The following SOCS2 variants were observed in gnomAD, a reference collection of about 807,000 sequenced individuals.
The protein encoded by SOCS2 is suppressor of cytokine signaling 2, also known as CIS-2.
In SOCS2, 10 loss-of-function variants were observed where a neutral mutation model predicts 18.6. The ratio of observed to expected loss-of-function variants is 0.54; its 90% CI spans 0.33 to 0.91. The LOEUF (loss-of-function observed/expected upper bound fraction) is 0.91. SOCS2 is among the 40% of genes least tolerant of loss of function. SOCS2 has a pLI of 0.02. For synonymous variants in SOCS2, 104 were observed against 104.0 expected (o/e 1.00, Z 0.00); for missense variants, 231 against 247.2 (o/e 0.93, Z 0.44).
At chr12:93,592,703 C>T in the SOCS2 span, among the ~76,000 whole-genome samples, 1 of 152,224 alleles carries the variant, frequency 6.6e-6, no homozygotes, top group East Asian at 1.9e-4. Context: ...CCATTGAGAT[C>T]GAATAAACTT....
chr12:93,586,931 G>A (rs573270496), downstream of SOCS2, among the ~76,000 whole-genome samples: 27 of 152,324 alleles, frequency 1.8e-4, no homozygotes, highest in African/African-American at 6.5e-4. Flanking sequence ...ACTTTGGGAG[G>A]CCGACACGGG....
At chr12:93,603,914 T>G in the SOCS2 span, among the ~76,000 whole-genome samples, 1 of 152,232 alleles carries the variant, frequency 6.6e-6, no homozygotes, top group Non-Finnish European at 1.5e-5. Flanking sequence ...TGGCATGTAT[T>G]ATCAGAGTAG....
intron 1 of SOCS2, among the ~76,000 whole-genome samples, chr12:93,582,393 T>C (rs1374526338): frequency 6.6e-6 from 1 of 152,172 alleles, no homozygotes; most frequent in Non-Finnish European, 1.5e-5. Context: ...GTTTGTGTTT[T>C]ATATCATCCC....
the SOCS2 span, among the ~76,000 whole-genome samples, chr12:93,601,753 T>C: frequency 6.6e-6 from 1 of 152,250 alleles, no homozygotes; most frequent in Non-Finnish European, 1.5e-5. Flanking sequence ...TTTGTATCTA[T>C]ATATGGGTAA....
At chr12:93,584,673 G>A (rs1358488845), downstream of SOCS2, among the ~76,000 whole-genome samples, 2 of 152,008 alleles carry the variant, frequency 1.3e-5, no homozygotes, top group Admixed American at 6.6e-5. Context: ...CTATTATTGG[G>A]ACTTTGATTT....
At chr12:93,606,787 G>C in the SOCS2 span, among the ~76,000 whole-genome samples, 1 of 152,130 alleles carries the variant, frequency 6.6e-6, no homozygotes, top group East Asian at 1.9e-4. Flanking sequence ...TGAGCAGCTG[G>C]GACTATAGGT....
At chr12:93,586,543 G>A (rs2136717873), downstream of SOCS2, among the ~76,000 whole-genome samples, 1 of 152,272 alleles carries the variant, frequency 6.6e-6, no homozygotes, top group African/African-American at 2.4e-5. Flanking sequence ...GCCTTTTTCT[G>A]TAGCAAATTT....
chr12:93,591,062 AT>A, the SOCS2 span, among the ~76,000 whole-genome samples: 1 of 151,638 alleles, frequency 6.6e-6, no homozygotes, highest in Admixed American at 6.6e-5. Flanking sequence ...AAAATGACTA[AT>A]TTTTTTTAAC....
At chr12:93,609,775 CTTAG>C in the SOCS2 span, among the ~76,000 whole-genome samples, 15 of 152,166 alleles carry the variant, frequency 9.9e-5, no homozygotes, top group African/African-American at 3.1e-4. Flanking sequence ...TGCCTACTGT[CTTAG>C]TTTGTTTTGT....
At chr12:93,613,386 T>C in the SOCS2 span, among the ~76,000 whole-genome samples, 3 of 152,104 alleles carry the variant, frequency 2.0e-5, no homozygotes, top group African/African-American at 7.2e-5. Flanking sequence ...TCTTTTTCTT[T>C]TTGCTCCTTC....
At position 93,575,116 on chromosome 12, in the gene SOCS2, C is replaced by T; in HGVS notation, c.534C>T (p.Ile178=). ...CCATTAACAAATGTACCGGTGCCAT[C>T]TGGGGACTGCCTTTACCAACAAGAC... ...RLTINKCTGA[I]WGLPLPTRLK... is the part of the protein sequence containing the mutation. The change falls in exon 2 of 2, where the codon ATC becomes ATT. Residue 178 remains isoleucine (I), a synonymous_variant. Coordinates refer to ENST00000551556, the MANE Select transcript of SOCS2 (RefSeq NM_001270471.2). The T allele has an allele frequency of 6.2e-7, 1 of 1,602,248 alleles. No homozygotes were observed. The highest frequency in any genetic ancestry group is 8.5e-7 in the Non-Finnish European group (1 of 1,176,352).
At chr12:93,587,704 G>T (rs2136718709), downstream of SOCS2, among the ~76,000 whole-genome samples, 1 of 149,738 alleles carries the variant, frequency 6.7e-6, no homozygotes, top group South Asian at 2.1e-4. Context: ...AAAAAAGTTT[G>T]GCTAGGCCAA....
chr12:93,571,735 C>T (rs1177587588), upstream of SOCS2: 11 of 312,268 alleles, frequency 3.5e-5, 1 homozygote, highest in Admixed American at 4.8e-4. Flanking sequence ...GAGCGCGGGG[C>T]TGGTTGCATC....
chr12:93,598,064 G>A, the SOCS2 span, among the ~76,000 whole-genome samples: 1 of 152,166 alleles, frequency 6.6e-6, no homozygotes, highest in Non-Finnish European at 1.5e-5. Flanking sequence ...ATAATTGCAG[G>A]CATCTGTAAC....
chr12:93,574,635 T>G lies in SOCS2; in HGVS notation c.140-87T>G, dbSNP rs576172091. The stretch of plus-strand genomic sequence containing the variant: ...TTTTTCTTTTTTAGAGCTAAAAAAA[T>G]TATTGCCAATTACTTGCTCTGTTCT... On this transcript the variant is annotated intron_variant, in intron 1 of 1. Coordinates refer to ENST00000551556, the MANE Select transcript of SOCS2 (RefSeq NM_001270471.2). 4 of 907,184 alleles carry G rather than the reference T, an allele frequency of 4.4e-6. No homozygotes were observed. The African/African-American group carries it at 5.1e-5, about 12-fold the overall frequency. The allele number at this position is 907,184 out of a possible 1,614,324, so 56.2% of individuals were successfully genotyped here.
At chr12:93,613,772 T>C in the SOCS2 span, among the ~76,000 whole-genome samples, 3 of 152,324 alleles carry the variant, frequency 2.0e-5, no homozygotes, top group South Asian at 6.2e-4. Flanking sequence ...AAATGTTAAA[T>C]ATTGGTGGCA....
the SOCS2 span, among the ~76,000 whole-genome samples, chr12:93,596,700 C>T: frequency 2.1e-3 from 319 of 152,242 alleles, 1 homozygote; most frequent in Middle Eastern, 6.8e-3. Context: ...TGTTGGCCTG[C>T]GCCTGTAATC....
the SOCS2 span, among the ~76,000 whole-genome samples, chr12:93,614,478 C>CCTTCCTTCCTTCCTT: frequency 2.0e-5 from 1 of 49,436 alleles, no homozygotes; most frequent in East Asian, 8.1e-4. Flanking sequence ...TTCCTTCCTT[C>CCTTCCTTCCTTCCTT]CTTTCCTTCC....
At position 93,575,737 on chromosome 12, in the gene SOCS2, C is replaced by T. The variant is rs576710889; in HGVS notation, c.*558C>T. On this transcript the variant is annotated 3_prime_UTR_variant, in exon 2 of 2. Coordinates refer to ENST00000551556, the MANE Select transcript of SOCS2 (RefSeq NM_001270471.2). ...TAACCAAATCAACCAAAAAAAGTGA[C>T]CATGAAGTCCTGTATTTGTCTTTTT... 1 of 152,760 alleles carries T rather than the reference C, an allele frequency of 6.5e-6. No homozygotes were observed. Among genetic ancestry groups the T allele is most frequent in the Non-Finnish European group, 1.5e-5 (1 of 68,054 alleles). The allele number at this position is 152,760 out of a possible 1,614,324, so 9.5% of individuals were successfully genotyped here.
Sources: allele counts gnomAD v4.1 joint callset (sites outside exome capture counted in the v4.1 genomes callset), GRCh38; gene constraint gnomAD v4.1.1; transcripts MANE v1.5; gene names NCBI Gene and HGNC (gene_info 2026-07-23, HGNC 2026-07-21).